The following JAKMIP3 variants were observed in gnomAD, a reference collection of about 807,000 sequenced individuals.
JAKMIP3 encodes Janus kinase and microtubule interacting protein 3.
In JAKMIP3, 58 loss-of-function variants were observed where a neutral mutation model predicts 118.5. The observed-to-expected ratio is 0.49, with a 90% confidence interval of 0.40 to 0.61. The LOEUF is 0.61. Among genes scored for constraint, JAKMIP3 ranks in the 20% least tolerant of loss-of-function variants. JAKMIP3 has a pLI of 0.00. For synonymous variants in JAKMIP3, 486 were observed against 451.2 expected (o/e 1.08, Z -0.98); for missense variants, 950 against 1,109.0 (o/e 0.86, Z 2.04).
upstream of JAKMIP3, among the ~76,000 whole-genome samples, chr10:132,064,876 C>T (rs1210896939): frequency 2.6e-5 from 4 of 152,170 alleles, no homozygotes; most frequent in African/African-American, 7.2e-5. This position sits in a 1 kb window ranked among gnomAD's most constrained non-coding sequence, Gnocchi z 4.4. Context: ...CGGGGTGATG[C>T]CTGCCGGTCT....
intron 1 of JAKMIP3, among the ~76,000 whole-genome samples, chr10:132,079,111 T>A (rs2041353119): frequency 7.6e-6 from 1 of 131,514 alleles, no homozygotes; most frequent in Non-Finnish European, 1.6e-5. Flanking sequence ...TGGGCCCGGC[T>A]TACAGTGGCC....
exon 1 of JAKMIP3, among the ~76,000 whole-genome samples, chr10:132,036,701 C>A (rs956626742): frequency 6.6e-6 from 1 of 150,670 alleles, no homozygotes; most frequent in South Asian, 2.1e-4. Flanking sequence ...CGATCCGGTC[C>A]GTCGGACGCC....
chr10:132,130,432 C>T (rs1168789714), intron 3 of JAKMIP3, among the ~76,000 whole-genome samples: 1 of 152,236 alleles, frequency 6.6e-6, no homozygotes, highest in African/African-American at 2.4e-5. Flanking sequence ...TTCGTGTGCT[C>T]ACGTCACCAC....
At chr10:132,150,076 CACCCACA>C in intron 16 of JAKMIP3, 35 bp downstream of exon 16, 1 of 1,543,624 alleles carries the variant, frequency 6.5e-7, no homozygotes, top group Non-Finnish European at 8.8e-7. Flanking sequence ...ATGCCTCTTA[CACCCACA>C]ACCCCCAGCC....
At chr10:132,148,868 T>C (rs954086211) in intron 14 of JAKMIP3, among the ~76,000 whole-genome samples, 1 of 152,182 alleles carries the variant, frequency 6.6e-6, no homozygotes, top group Non-Finnish European at 1.5e-5. Flanking sequence ...GAGGCCTCCG[T>C]CTCAGGCCAG....
At chr10:132,062,496 G>T (rs747244655), upstream of JAKMIP3, among the ~76,000 whole-genome samples, 3 of 152,166 alleles carry the variant, frequency 2.0e-5, no homozygotes, top group African/African-American at 7.2e-5. Context: ...CCAACACAGC[G>T]CATGGTTATT....
chr10:132,090,721 C>G (rs1180086782), intron 1 of JAKMIP3, among the ~76,000 whole-genome samples: 2 of 152,292 alleles, frequency 1.3e-5, no homozygotes, highest in African/African-American at 2.4e-5. Flanking sequence ...CTGCTCTGAT[C>G]TTAGTTATTT....
intron 3 of JAKMIP3, among the ~76,000 whole-genome samples, chr10:132,123,146 C>G (rs1228995073): frequency 1.3e-5 from 2 of 152,150 alleles, no homozygotes; most frequent in Admixed American, 1.3e-4. Context: ...CACTTTCCAC[C>G]CACAGGTGCG....
chr10:132,153,860 C>T (rs372199679), intron 18 of JAKMIP3, 33 bp downstream of exon 18: 15 of 1,612,796 alleles, frequency 9.3e-6, no homozygotes, highest in South Asian at 4.4e-5. Context: ...TTCTGCGGCT[C>T]GGTGCTGCAG....
chr10:132,084,835 G>A (rs2042184052), intron 1 of JAKMIP3, among the ~76,000 whole-genome samples: 1 of 152,164 alleles, frequency 6.6e-6, no homozygotes, highest in Non-Finnish European at 1.5e-5. Context: ...AGATGATCAT[G>A]TGATTTTTGT....
intron 1 of JAKMIP3, among the ~76,000 whole-genome samples, chr10:132,054,697 A>C (rs990748772): frequency 6.6e-6 from 1 of 152,242 alleles, no homozygotes; most frequent in African/African-American, 2.4e-5. Context: ...CTAACAGATA[A>C]GACTAAGGTG....
chr10:132,082,021 G>T (rs1484166680), intron 1 of JAKMIP3, among the ~76,000 whole-genome samples: 11 of 151,544 alleles, frequency 7.3e-5, no homozygotes, highest in African/African-American at 2.4e-4. Context: ...CTGTGGGTCG[G>T]CTTTACCCTC....
rs150165932 is a variant in JAKMIP3, at chr10:132,041,190, G to A, written c.-138+4452G>A. On this transcript the variant is annotated intron_variant, in intron 1 of 23. Transcript: ENST00000657785. ...CATGCCTCAGCCTCCCAAGTAGCTG[G>A]GACTACAAGTGTGTGCCACCATGTC... Among the ~76,000 whole-genome samples the A allele has an allele frequency of 4.6e-3, 704 of 152,224 alleles. 6 individuals carry two copies. The highest frequency in any genetic ancestry group is 0.016 in the African/African-American group (667 of 41,534).
chr10:132,134,907 C>T (rs557593732), intron 4 of JAKMIP3, 134 bp from the exon 5 acceptor site: 2 of 1,177,496 alleles, frequency 1.7e-6, no homozygotes, highest in Non-Finnish European at 2.4e-6. Flanking sequence ...GGCTCCGAAC[C>T]TTCCCGGCAG....
intron 2 of JAKMIP3, among the ~76,000 whole-genome samples, chr10:132,109,178 T>C (rs1255540883): frequency 6.6e-6 from 1 of 150,896 alleles, no homozygotes; most frequent in Non-Finnish European, 1.5e-5. Context: ...AAACTGGGCA[T>C]GGTGGCACTC....
At chr10:132,139,292 C>CTGTG (rs1173460581) in intron 9 of JAKMIP3, among the ~76,000 whole-genome samples, 6 of 106,974 alleles carry the variant, frequency 5.6e-5, no homozygotes, top group African/African-American at 2.6e-4. Flanking sequence ...GTATATGCAT[C>CTGTG]TGTGTATGTG....
chr10:132,073,249 T>C (rs2040254556), intron 1 of JAKMIP3, among the ~76,000 whole-genome samples: 1 of 152,150 alleles, frequency 6.6e-6, no homozygotes, highest in Non-Finnish European at 1.5e-5. Context: ...GCAGTGGCGC[T>C]ATCTCGGCTC....
chr10:132,133,182 CTT>C, intron 3 of JAKMIP3, 128 bp from the exon 4 acceptor site: 1 of 784,286 alleles, frequency 1.3e-6, no homozygotes, highest in East Asian at 2.7e-5. Flanking sequence ...GGCTCCTGCT[CTT>C]AGTCCAGGAT....
rs2135815552 is a variant in JAKMIP3, at chr10:132,138,155, A to C, written c.1321A>C (p.Lys441Gln). The part of the protein sequence containing the change: ...DKLLRFRKQR[K>Q]KMAKLPKPVV... ...GCTGTTAAGATTCCGGAAGCAAAGA[A>C]AGAAAATGGCAAAACTTCCCAAGGT... The change falls in exon 9 of 24, where the codon AAG becomes CAG. Residue 441 changes from lysine (K) to glutamine (Q), a missense_variant. Lys to Gln is a moderately conservative substitution (Grantham distance 53). Transcript: ENST00000684848. 6.2e-7 allele frequency: 1 copy of C among 1,611,996 alleles called. No homozygotes were observed. Among genetic ancestry groups the C allele is most frequent in the Middle Eastern group, 1.7e-4 (1 of 6,060 alleles).
Sources: gnomAD v4.1 joint callset for allele counts (sites outside exome capture counted in the v4.1 genomes callset) on GRCh38, gnomAD v4.1.1 for gene constraint, Gnocchi (gnomAD v3.1) non-coding constraint, MANE v1.5 for transcripts, NCBI Gene and HGNC (gene_info 2026-07-23, HGNC 2026-07-21) for gene names.